Variants in SLC25A48 observed in about 807,000 individuals in gnomAD.
SLC25A48 encodes the protein solute carrier family 25 member 48.
SLC25A48 carries 29 observed loss-of-function variants against 32.2 expected under a neutral mutation model. The observed-to-expected ratio is 0.90, with a 90% CI of 0.67 to 1.23. The LOEUF (loss-of-function observed/expected upper bound fraction) is 1.23. Among genes scored for constraint, SLC25A48 ranks in the 50% most tolerant of loss-of-function variants. The pLI is 0.00. For synonymous variants in SLC25A48, 164 were observed against 172.3 expected (o/e 0.95, Z 0.38); for missense variants, 399 against 422.7 (o/e 0.94, Z 0.49).
intron 3 of SLC25A48, among the ~76,000 whole-genome samples, chr5:135,661,352 A>G (rs1753391967): frequency 6.6e-6 from 1 of 152,194 alleles, no homozygotes; most frequent in African/African-American, 2.4e-5. Context: ...CTCTTATTAC[A>G]TCAGTGACAG....
intron 3 of SLC25A48, among the ~76,000 whole-genome samples, chr5:135,647,822 T>C (rs58889313): frequency 0.035 from 5,334 of 152,268 alleles, 134 homozygotes; most frequent in African/African-American, 0.057. Context: ...GGCCCTAGCT[T>C]TCTTTGTAGT....
At chr5:135,628,941 G>A (rs912078410) in intron 1 of SLC25A48, among the ~76,000 whole-genome samples, 9 of 152,208 alleles carry the variant, frequency 5.9e-5, no homozygotes, top group African/African-American at 2.2e-4. Context: ...GTCCAGATGA[G>A]CATATGTGTG....
intron 3 of SLC25A48, among the ~76,000 whole-genome samples, chr5:135,801,289 T>A (rs1233983959): frequency 9.4e-5 from 14 of 148,718 alleles, no homozygotes; most frequent in African/African-American, 3.2e-4. Context: ...TGATATTACT[T>A]CCAATATCGC....
At chr5:135,639,441 G>C (rs957165612) in intron 3 of SLC25A48, among the ~76,000 whole-genome samples, 4 of 152,198 alleles carry the variant, frequency 2.6e-5, no homozygotes, top group Admixed American at 2.6e-4. Flanking sequence ...AATGGGGTAG[G>C]ATATTGTAGA....
intron 3 of SLC25A48, among the ~76,000 whole-genome samples, chr5:135,660,523 T>A (rs1355811965): frequency 6.6e-6 from 1 of 152,238 alleles, no homozygotes; most frequent in Non-Finnish European, 1.5e-5. Context: ...AGCATCATAG[T>A]GGCTAACTAT....
intron 3 of SLC25A48, among the ~76,000 whole-genome samples, chr5:135,747,062 A>G (rs1276162447): frequency 6.6e-6 from 1 of 151,456 alleles, no homozygotes; most frequent in Non-Finnish European, 1.5e-5. Context: ...GGTAATGTGA[A>G]GCTTGATGGC....
chr5:135,827,927 A>G (rs1398950183), intron 4 of SLC25A48, among the ~76,000 whole-genome samples: 1 of 152,116 alleles, frequency 6.6e-6, no homozygotes, highest in African/African-American at 2.4e-5. Flanking sequence ...ATCTATGTCT[A>G]TGGTACAAAC....
At chr5:135,678,989 C>T (rs1753831454) in intron 3 of SLC25A48, among the ~76,000 whole-genome samples, 1 of 152,092 alleles carries the variant, frequency 6.6e-6, no homozygotes, top group African/African-American at 2.4e-5. Context: ...GTCCATAAGT[C>T]CAGGTGGGTT....
chr5:135,841,227 C>T (rs549775471), intron 1 of SLC25A48, among the ~76,000 whole-genome samples: 3 of 152,152 alleles, frequency 2.0e-5, no homozygotes, highest in African/African-American at 7.2e-5. Flanking sequence ...TTTGGAGAAA[C>T]GTGTGTGCAA....
At position 135,720,839 on chromosome 5, in the gene SLC25A48, C is replaced by T. The variant is rs138968442; in HGVS notation, c.-521+85883C>T. Reference sequence around the variant, plus strand: ...ACTTTGGAGTTCTCCTGGTGGTGGACGGGGATGGATGTGGTGGTGGAAGTC... The same window carrying T: ...ACTTTGGAGTTCTCCTGGTGGTGGATGGGGATGGATGTGGTGGTGGAAGTC... On this transcript the variant is annotated intron_variant, in intron 3 of 10. Coordinates refer to the SLC25A48 transcript ENST00000646290. Among the ~76,000 whole-genome samples the T allele has an allele frequency of 5.2e-4, 79 of 151,900 alleles. No individual in the cohort carries two copies. In the East Asian group the frequency reaches 0.011, roughly 21 times the overall value.
intron 1 of SLC25A48, among the ~76,000 whole-genome samples, chr5:135,600,696 T>G (rs948483524): frequency 6.6e-6 from 1 of 152,084 alleles, no homozygotes; most frequent in African/African-American, 2.4e-5. Flanking sequence ...TATTTATTTT[T>G]TTTTGAGATG....
intron 1 of SLC25A48, among the ~76,000 whole-genome samples, chr5:135,612,733 G>A (rs1039553906): frequency 2.0e-5 from 3 of 152,180 alleles, no homozygotes; most frequent in East Asian, 1.9e-4. Context: ...ATTCTTTTGT[G>A]TAGCTGAATA....
At chr5:135,812,288 C>G (rs1162334754) in intron 3 of SLC25A48, among the ~76,000 whole-genome samples, 1 of 152,148 alleles carries the variant, frequency 6.6e-6, no homozygotes, top group Non-Finnish European at 1.5e-5. Flanking sequence ...TCCCCTCCAG[C>G]ATTTATCATT....
chr5:135,601,996 G>T (rs990948391), intron 1 of SLC25A48, among the ~76,000 whole-genome samples: 1 of 152,176 alleles, frequency 6.6e-6, no homozygotes, highest in Non-Finnish European at 1.5e-5. Context: ...TACAGTGCCT[G>T]CCACTTAGTA....
chr5:135,753,924 G>A (rs1755832645), intron 3 of SLC25A48, among the ~76,000 whole-genome samples: 1 of 151,934 alleles, frequency 6.6e-6, no homozygotes, highest in African/African-American at 2.4e-5. Context: ...GGGTGTACAT[G>A]CCAGTTGTAT....
At chr5:135,618,937 A>C (rs956003926) in intron 1 of SLC25A48, among the ~76,000 whole-genome samples, 4 of 148,436 alleles carry the variant, frequency 2.7e-5, no homozygotes, top group Non-Finnish European at 6.0e-5. Context: ...TCTGTCTTTG[A>C]TTTTCAACAG....
At chr5:135,651,615 A>G (rs1317718306) in intron 3 of SLC25A48, among the ~76,000 whole-genome samples, 1 of 152,140 alleles carries the variant, frequency 6.6e-6, no homozygotes, top group Non-Finnish European at 1.5e-5. Flanking sequence ...TGCTACCTAT[A>G]TCTGCTGTTC....
intron 3 of SLC25A48, among the ~76,000 whole-genome samples, chr5:135,785,274 G>A (rs1756807576): frequency 6.6e-6 from 1 of 152,048 alleles, no homozygotes; most frequent in African/African-American, 2.4e-5. Flanking sequence ...TATTCCCCAT[G>A]GAACGGGGGA....
intron 1 of SLC25A48, among the ~76,000 whole-genome samples, chr5:135,586,525 G>GAC (rs35491818): frequency 0.49 from 74,353 of 151,908 alleles, 18,537 homozygotes; most frequent in African/African-American, 0.6. Flanking sequence ...AGTGATCTCA[G>GAC]ACACAGACAT....
Sources: allele counts gnomAD v4.1 joint callset (sites outside exome capture counted in the v4.1 genomes callset), GRCh38; gene constraint gnomAD v4.1.1; transcripts MANE v1.5; gene names NCBI Gene and HGNC (gene_info 2026-07-23, HGNC 2026-07-21).